EVL: variants seen among roughly 807,000 people sequenced by gnomAD.
EVL encodes ena/VASP-like protein.
A neutral mutation model predicts 59.6 loss-of-function variants in EVL; 21 were observed. The ratio of observed to expected loss-of-function variants is 0.35; its 90% CI spans 0.25 to 0.51. The LOEUF is 0.51. Among genes scored for constraint, EVL ranks in the 20% least tolerant of loss-of-function variants. The pLI is 0.97. For missense variants in EVL, 462 were observed against 546.6 expected, an observed-to-expected ratio of 0.85 and a Z score of 1.54; for synonymous variants, 198 against 203.5, an observed-to-expected ratio of 0.97 and a Z score of 0.23.
intron 3 of EVL, among the ~76,000 whole-genome samples, chr14:100,113,489 G>T (rs1887132484): frequency 6.6e-6 from 1 of 152,122 alleles, no homozygotes; most frequent in Non-Finnish European, 1.5e-5. Context: ...CGGAAATTAA[G>T]TCCCAGTGAA....
intron 1 of EVL, among the ~76,000 whole-genome samples, chr14:100,016,279 C>G (rs534559645): frequency 3.3e-5 from 5 of 152,144 alleles, no homozygotes; most frequent in African/African-American, 1.2e-4. Flanking sequence ...GCCTGTAATC[C>G]CAGCACTTTG....
At chr14:100,064,241 A>G (rs190234205), upstream of EVL, among the ~76,000 whole-genome samples, 3 of 152,338 alleles carry the variant, frequency 2.0e-5, no homozygotes, top group East Asian at 5.8e-4. Flanking sequence ...TAATGGATCT[A>G]TTAAATATTT....
intron 1 of EVL, among the ~76,000 whole-genome samples, chr14:99,998,732 T>C (rs1343494130): frequency 6.6e-6 from 1 of 152,154 alleles, no homozygotes; most frequent in Non-Finnish European, 1.5e-5. Flanking sequence ...GGAATAACTG[T>C]GTTTACTAGC....
At chr14:99,976,871 C>A (rs375958243) in intron 1 of EVL, among the ~76,000 whole-genome samples, 2 of 152,236 alleles carry the variant, frequency 1.3e-5, no homozygotes, top group Non-Finnish European at 2.9e-5. Context: ...AAATTAGCCT[C>A]AAACACTGAG....
At chr14:100,096,957 T>A (rs1279843892) in intron 2 of EVL, 1 of 152,780 alleles carries the variant, frequency 6.5e-6, no homozygotes, top group East Asian at 1.9e-4. Flanking sequence ...TATTAATGCA[T>A]TCAAAGTACT....
In EVL at chr14:100,128,714, C is replaced by T. The variant is rs1888244365; in HGVS notation, c.683C>T (p.Ala228Val). The change falls in exon 6 of 14, where the codon GCC (alanine) becomes GTC (valine). Residue 228 changes from alanine (A) to valine (V), a missense_variant. By Grantham distance (64) the Ala-to-Val change is moderately conservative (BLOSUM62 0). Coordinates refer to ENST00000392920, the MANE Select transcript of EVL (RefSeq NM_016337.3). ...AGCTCCATGTCAGGACTGGCCGCTG[C>T]CATAGCTGGGGCCAAGCTGAGAAGA... The part of the protein sequence containing the change: ...DESSMSGLAA[A>V]IAGAKLRRVQ... 7 of 1,607,082 alleles carry T rather than the reference C, an allele frequency of 4.4e-6. No individual in the cohort carries two copies. The East Asian group carries it at 1.6e-4, about 36-fold the overall frequency.
chr14:100,006,811 C>CAA (rs56007744), intron 1 of EVL, among the ~76,000 whole-genome samples: 19,503 of 127,762 alleles, frequency 0.15, 1,785 homozygotes, highest in East Asian at 0.29. Flanking sequence ...AGTAAAACAT[C>CAA]AAAAAAAAAA....
At chr14:100,042,969 G>T (rs1410791806) in intron 1 of EVL, among the ~76,000 whole-genome samples, 1 of 152,142 alleles carries the variant, frequency 6.6e-6, no homozygotes, top group East Asian at 1.9e-4. Context: ...AAGGCCACCT[G>T]AGATATGGCT....
At chr14:100,074,048 T>G (rs1275655857) in intron 1 of EVL, among the ~76,000 whole-genome samples, 1 of 151,988 alleles carries the variant, frequency 6.6e-6, no homozygotes, top group Non-Finnish European at 1.5e-5. Context: ...GAGTAGAGGC[T>G]AGAGGAAAGC....
intron 1 of EVL, among the ~76,000 whole-genome samples, chr14:100,022,344 C>G (rs542887875): frequency 1.3e-5 from 2 of 150,496 alleles, no homozygotes; most frequent in East Asian, 4.0e-4. Flanking sequence ...GTGGCACAAT[C>G]TCAGCTCACT....
At chr14:100,072,747 G>T (rs1290843767) in intron 1 of EVL, among the ~76,000 whole-genome samples, 1 of 152,238 alleles carries the variant, frequency 6.6e-6, no homozygotes, top group Non-Finnish European at 1.5e-5. Flanking sequence ...TTAGTGAAAG[G>T]TAAAAGAGTG....
At chr14:100,086,068 G>A (rs2062436156) in intron 2 of EVL, among the ~76,000 whole-genome samples, 2 of 152,332 alleles carry the variant, frequency 1.3e-5, no homozygotes, top group Admixed American at 6.5e-5. Flanking sequence ...GGCAGAGCTT[G>A]CAGTGAGCCG....
chr14:100,114,154 C>T lies in EVL; in HGVS notation c.359-9385C>T, dbSNP rs963495998. Among the ~76,000 whole-genome samples, 2 of 128,054 alleles carry T rather than the reference C, an allele frequency of 1.6e-5. No homozygotes were observed. Among genetic ancestry groups the T allele is most frequent in the Non-Finnish European group, 3.5e-5 (2 of 57,630 alleles). 84.0% of individuals were successfully genotyped at this position (128,054 alleles called of 152,430 possible). On this transcript the variant is annotated intron_variant, in intron 3 of 13. Coordinates refer to ENST00000392920, the MANE Select transcript of EVL (RefSeq NM_016337.3). The surrounding 1 kb of genome is among the most constrained non-coding windows in gnomAD (Gnocchi z 5.0). ...GCATTTCATGGAGTCCAGCAAGGAG[C>T]GAAGCGAAGGAGGGCCGGGGGGGAA...
At chr14:100,120,060 A>G (rs899309128) in intron 3 of EVL, among the ~76,000 whole-genome samples, 3 of 152,228 alleles carry the variant, frequency 2.0e-5, no homozygotes, top group Non-Finnish European at 4.4e-5. Flanking sequence ...AGGCTGGGTC[A>G]GCAGCTCTGT....
chr14:99,984,284 A>AT (rs1367514014), intron 1 of EVL, among the ~76,000 whole-genome samples: 2 of 152,026 alleles, frequency 1.3e-5, no homozygotes, highest in African/African-American at 4.8e-5. Context: ...GTGGATGGGT[A>AT]TTTTTTTCTG....
rs1322337070 is a variant in EVL, at chr14:100,132,887, G to A, written c.900+108G>A. 1.4e-5 allele frequency: 17 copies of A among 1,212,540 alleles called. No homozygotes were observed. The East Asian group carries it at 1.4e-4, about 10-fold the overall frequency. 75.1% of individuals were successfully genotyped at this position (1,212,540 alleles called of 1,614,324 possible). The stretch of plus-strand genomic sequence containing the variant: ...CCTTTGGGACATGCGTGGGATGGGC[G>A]CTTCATCAGGTGATTCACAGGAGGG... On this transcript the variant is annotated intron_variant, in intron 8 of 13. Transcript: ENST00000392920.
At chr14:100,116,554 G>A (rs2140355716) in intron 3 of EVL, among the ~76,000 whole-genome samples, 1 of 152,304 alleles carries the variant, frequency 6.6e-6, no homozygotes, top group East Asian at 1.9e-4. Flanking sequence ...TTCTTCAGGA[G>A]GAGGGGTCAG....
chr14:100,100,456 A>G (rs1417819332), intron 3 of EVL, among the ~76,000 whole-genome samples: 1 of 152,194 alleles, frequency 6.6e-6, no homozygotes, highest in African/African-American at 2.4e-5. Context: ...AGCAGATGCA[A>G]CTTGATGAAC....
chr14:100,076,886 C>G (rs2062174180), intron 1 of EVL, among the ~76,000 whole-genome samples: 1 of 152,198 alleles, frequency 6.6e-6, no homozygotes, highest in African/African-American at 2.4e-5. Flanking sequence ...AACGATGACT[C>G]CCTTCCTCAT....
Sources: allele counts gnomAD v4.1 joint callset (sites outside exome capture counted in the v4.1 genomes callset), GRCh38; gene constraint gnomAD v4.1.1; non-coding constraint Gnocchi (gnomAD v3.1); transcripts MANE v1.5; gene names NCBI Gene and HGNC (gene_info 2026-07-23, HGNC 2026-07-21).